LRP1B: variants seen among roughly 807,000 people sequenced by gnomAD.
LRP1B encodes the protein LDL receptor related protein 1B, also known as low-density lipoprotein receptor-related protein 1B.
LRP1B carries 217 observed loss-of-function variants against 556.6 expected under a neutral mutation model. The ratio of observed to expected loss-of-function variants is 0.39; its 90% CI spans 0.35 to 0.44. LRP1B has a LOEUF of 0.44. Among genes scored for constraint, LRP1B ranks in the 20% least tolerant of loss-of-function variants. The pLI is 1.00. For synonymous variants in LRP1B, 2,047 were observed against 1,865.8 expected, an observed-to-expected ratio of 1.10 and a Z score of -2.50; for missense variants, 5,053 against 5,620.8, an observed-to-expected ratio of 0.90 and a Z score of 3.23.
chr2:140,636,420 G>A (rs1030810217), intron 41 of LRP1B, among the ~76,000 whole-genome samples: 3 of 152,054 alleles, frequency 2.0e-5, no homozygotes, highest in Non-Finnish European at 4.4e-5. Context: ...ATCATTTCTG[G>A]AAACAAAAGT....
At chr2:140,258,708 G>A (rs1681804469) in intron 86 of LRP1B, among the ~76,000 whole-genome samples, 2 of 152,030 alleles carry the variant, frequency 1.3e-5, no homozygotes, top group Admixed American at 6.6e-5. Context: ...AGAGACAGAT[G>A]TCATTAGCAA....
chr2:140,513,163 T>C (rs1257269139), intron 51 of LRP1B, among the ~76,000 whole-genome samples: 1 of 152,102 alleles, frequency 6.6e-6, no homozygotes, highest in Non-Finnish European at 1.5e-5. Flanking sequence ...GGTATATAAG[T>C]ACAAATCTTT....
chr2:140,573,603 A>G (rs1460185500), intron 43 of LRP1B, among the ~76,000 whole-genome samples: 1 of 152,046 alleles, frequency 6.6e-6, no homozygotes, highest in Non-Finnish European at 1.5e-5. Context: ...TTGGGATTTG[A>G]TGACAGTCAT....
At chr2:140,718,177 A>G (rs891882843) in intron 35 of LRP1B, among the ~76,000 whole-genome samples, 13 of 151,970 alleles carry the variant, frequency 8.6e-5, no homozygotes, top group Admixed American at 4.6e-4. Context: ...TTGATGTACA[A>G]TGGACAAATT....
At chr2:140,435,043 A>T (rs7558421) in intron 66 of LRP1B, among the ~76,000 whole-genome samples, 12,641 of 152,256 alleles carry the variant, frequency 0.083, 675 homozygotes, top group African/African-American at 0.15. Context: ...TCAATCATAT[A>T]GGCATGGTAC....
At chr2:141,443,238 G>T (rs1275377404) in intron 3 of LRP1B, among the ~76,000 whole-genome samples, 1 of 152,150 alleles carries the variant, frequency 6.6e-6, no homozygotes, top group Non-Finnish European at 1.5e-5. Flanking sequence ...CTTTTGAGAA[G>T]TGTCTGTTCA....
At chr2:140,802,264 G>C (rs1344804712) in intron 32 of LRP1B, among the ~76,000 whole-genome samples, 1 of 152,126 alleles carries the variant, frequency 6.6e-6, no homozygotes, top group Non-Finnish European at 1.5e-5. Context: ...ACATTTAGTG[G>C]AGAAGGAGTC....
intron 2 of LRP1B, among the ~76,000 whole-genome samples, chr2:141,711,041 GT>G (rs1692337847): frequency 6.6e-6 from 1 of 152,154 alleles, no homozygotes; most frequent in African/African-American, 2.4e-5. Flanking sequence ...TTCTGCCAGT[GT>G]TCTAGAAATT....
At chr2:141,589,538 G>A (rs1217498174) in intron 2 of LRP1B, among the ~76,000 whole-genome samples, 5 of 151,804 alleles carry the variant, frequency 3.3e-5, no homozygotes, top group Admixed American at 1.3e-4. Flanking sequence ...CCCCTTTTTC[G>A]TTTCCTGCTT....
At chr2:141,225,482 G>C (rs1434959605) in intron 6 of LRP1B, among the ~76,000 whole-genome samples, 1 of 151,932 alleles carries the variant, frequency 6.6e-6, no homozygotes, top group Non-Finnish European at 1.5e-5. Context: ...TGTTATTTTG[G>C]GTATCTGTGT....
At chr2:141,782,645 T>C (rs997513058) in intron 2 of LRP1B, among the ~76,000 whole-genome samples, 1 of 148,272 alleles carries the variant, frequency 6.7e-6, no homozygotes, top group African/African-American at 2.5e-5. Context: ...TCATATAGGG[T>C]TTGTGTGAAA....
chr2:140,460,431 A>G (rs1317246736), intron 60 of LRP1B, among the ~76,000 whole-genome samples: 1 of 152,200 alleles, frequency 6.6e-6, no homozygotes, highest in Non-Finnish European at 1.5e-5. Flanking sequence ...TTTAACAAAC[A>G]AACCCTTAAT....
chr2:141,672,502 T>G (rs2105414978), intron 2 of LRP1B, among the ~76,000 whole-genome samples: 1 of 152,300 alleles, frequency 6.6e-6, no homozygotes, highest in East Asian at 1.9e-4. Context: ...AAACAAATCC[T>G]TTGTGATTGC....
intron 3 of LRP1B, among the ~76,000 whole-genome samples, chr2:141,414,833 A>G (rs1170687648): frequency 6.6e-6 from 1 of 152,210 alleles, no homozygotes; most frequent in Non-Finnish European, 1.5e-5. Context: ...CTGGTTTGCA[A>G]CCAAAGAACC....
intron 7 of LRP1B, among the ~76,000 whole-genome samples, chr2:141,166,126 C>G (rs913056044): frequency 6.6e-6 from 1 of 151,838 alleles, no homozygotes; most frequent in African/African-American, 2.4e-5. Flanking sequence ...CCCTTTCTAT[C>G]TTTCGAAACT....
intron 2 of LRP1B, 127 bp downstream of exon 2, chr2:141,810,152 A>G (rs534388759): frequency 1.0e-5 from 5 of 478,026 alleles, no homozygotes; most frequent in East Asian, 8.7e-5. Context: ...AAAGAAAGAA[A>G]GAAAGAAAGA....
At chr2:141,123,268 A>AAAAG (rs1558876276) in intron 7 of LRP1B, among the ~76,000 whole-genome samples, 16 of 147,212 alleles carry the variant, frequency 1.1e-4, no homozygotes, top group South Asian at 4.3e-4. Flanking sequence ...ATAAATAAAA[A>AAAAG]AAAGAAAGTA....
At chr2:141,266,932 T>A (rs1684911759) in intron 3 of LRP1B, among the ~76,000 whole-genome samples, 1 of 152,178 alleles carries the variant, frequency 6.6e-6, no homozygotes, top group African/African-American at 2.4e-5. Context: ...AGGAAAAATG[T>A]TTACTTTAGC....
intron 30 of LRP1B, 81 bp from the exon 31 acceptor site, chr2:140,840,166 T>G (rs1190104400): frequency 4.0e-6 from 3 of 740,880 alleles, no homozygotes; most frequent in Non-Finnish European, 6.5e-6. Flanking sequence ...AAAAACAAAG[T>G]AAACATCAAA....
Sources: allele counts gnomAD v4.1 joint callset (sites outside exome capture counted in the v4.1 genomes callset), GRCh38; gene constraint gnomAD v4.1.1; transcripts MANE v1.5; gene names NCBI Gene and HGNC (gene_info 2026-07-23, HGNC 2026-07-21).